PACSIN1: variants seen among roughly 807,000 people sequenced by gnomAD.
PACSIN1 encodes the protein protein kinase C and casein kinase substrate in neurons protein 1.
Under a neutral mutation model 59.5 loss-of-function variants are expected in PACSIN1, and 15 were observed. The ratio of observed to expected loss-of-function variants is 0.25; its 90% CI spans 0.17 to 0.39. The LOEUF (loss-of-function observed/expected upper bound fraction) is 0.39. PACSIN1 is among the 10% of genes least tolerant of loss of function. PACSIN1 has a pLI of 1.00. For synonymous variants in PACSIN1, 210 were observed against 220.6 expected, an observed-to-expected ratio of 0.95 and a Z score of 0.42; for missense variants, 420 against 580.2, an observed-to-expected ratio of 0.72 and a Z score of 2.84.
chr6:34,500,393 G>C (rs1767006257), intron 1 of PACSIN1, among the ~76,000 whole-genome samples: 1 of 152,174 alleles, frequency 6.6e-6, no homozygotes, highest in Non-Finnish European at 1.5e-5. Context: ...ATGTAAACTG[G>C]TACAGCCACT....
intron 1 of PACSIN1, among the ~76,000 whole-genome samples, chr6:34,473,864 A>G (rs1766604161): frequency 6.6e-6 from 1 of 152,210 alleles, no homozygotes; most frequent in African/African-American, 2.4e-5. Flanking sequence ...AAAGATAAGG[A>G]CTTTTTCTAA....
intron 1 of PACSIN1, among the ~76,000 whole-genome samples, chr6:34,524,789 T>C (rs76670704): frequency 0.012 from 1,813 of 152,306 alleles, 15 homozygotes; most frequent in Non-Finnish European, 0.017. Flanking sequence ...TCAATAACAA[T>C]TGTATGGTAT....
At chr6:34,510,685 C>A (rs189976555) in intron 1 of PACSIN1, among the ~76,000 whole-genome samples, 2 of 152,300 alleles carry the variant, frequency 1.3e-5, no homozygotes, top group Admixed American at 1.3e-4. Flanking sequence ...AATGTTCCTG[C>A]CTCATACTCT....
chr6:34,497,743 C>T lies in PACSIN1; in HGVS notation c.-63-28500C>T, dbSNP rs577676121. 9.2e-4 allele frequency among the ~76,000 whole-genome samples: 140 copies of T among 152,294 alleles called. 1 individual carries two copies. Among genetic ancestry groups the T allele is most frequent in the African/African-American group, 3.2e-3 (131 of 41,570 alleles). On this transcript the variant is annotated intron_variant, in intron 1 of 9. Transcript: ENST00000244458. ...TTCTTGTTCATCTTCTTGAATGCAC[C>T]TGTCAAAGCAATGGGCATGGCATGG...
intron 1 of PACSIN1, among the ~76,000 whole-genome samples, chr6:34,506,657 C>T (rs1371934173): frequency 6.6e-6 from 1 of 152,194 alleles, no homozygotes. Context: ...AGGTCCCCTA[C>T]TTGACCTTGG....
intron 1 of PACSIN1, among the ~76,000 whole-genome samples, chr6:34,517,308 A>G (rs2127267525): frequency 6.7e-6 from 1 of 148,732 alleles, no homozygotes; most frequent in Middle Eastern, 4.0e-3. Flanking sequence ...GACTGCAGCC[A>G]CCTCCTAGAG....
rs139900176 is a variant in PACSIN1 at position 34,474,778 on chromosome 6, G to T, written c.-64+8508G>T. Among the ~76,000 whole-genome samples the T allele has an allele frequency of 4.9e-3, 537 of 109,816 alleles. 3 individuals are homozygous for T. The highest frequency in any genetic ancestry group is 0.017 in the African/African-American group (490 of 28,638). The allele number at this position is 109,816 out of a possible 152,430, so 72.0% of individuals were successfully genotyped here. On this transcript the variant is annotated intron_variant, in intron 1 of 9. Transcript: ENST00000244458. ...GCATCCAGCCTGGGTGACAGAGCAAGACTCTGTCTCAGAAAAAAAAAAAAA... is the reference window on the plus strand; with the variant it reads ...GCATCCAGCCTGGGTGACAGAGCAATACTCTGTCTCAGAAAAAAAAAAAAA...
chr6:34,501,189 G>A (rs1767017633), intron 1 of PACSIN1, among the ~76,000 whole-genome samples: 1 of 152,198 alleles, frequency 6.6e-6, no homozygotes, highest in Admixed American at 6.5e-5. Context: ...TCCAGCCTGG[G>A]TGCCTCCACT....
chr6:34,511,759 G>A (rs963137260), intron 1 of PACSIN1, among the ~76,000 whole-genome samples: 3 of 152,244 alleles, frequency 2.0e-5, no homozygotes, highest in Non-Finnish European at 2.9e-5. Flanking sequence ...TTATGCAGAT[G>A]AGATGCAAAG....
intron 1 of PACSIN1, among the ~76,000 whole-genome samples, chr6:34,498,636 A>G (rs1766980915): frequency 6.6e-6 from 1 of 151,874 alleles, no homozygotes; most frequent in Non-Finnish European, 1.5e-5. Context: ...TGTCTTGACT[A>G]AATACACAAA....
At chr6:34,519,472 C>T (rs1767350538) in intron 1 of PACSIN1, among the ~76,000 whole-genome samples, 1 of 152,138 alleles carries the variant, frequency 6.6e-6, no homozygotes, top group South Asian at 2.1e-4. Flanking sequence ...GGCCTGAGAT[C>T]TTCCTTTCAT....
chr6:34,484,646 C>T (rs1249421841), intron 1 of PACSIN1, among the ~76,000 whole-genome samples: 1 of 151,936 alleles, frequency 6.6e-6, no homozygotes, highest in Non-Finnish European at 1.5e-5. Context: ...TCAGTGCTAA[C>T]AAATGTACCA....
chr6:34,491,782 T>G (rs184085241), intron 1 of PACSIN1, among the ~76,000 whole-genome samples: 1 of 152,126 alleles, frequency 6.6e-6, no homozygotes, highest in East Asian at 1.9e-4. Flanking sequence ...CAGCTAATTT[T>G]TGTATATTTA....
intron 1 of PACSIN1, among the ~76,000 whole-genome samples, chr6:34,478,100 C>A (rs1186045776): frequency 2.0e-5 from 3 of 147,712 alleles, no homozygotes; most frequent in Non-Finnish European, 4.5e-5. Context: ...CGCTCTGACG[C>A]CCAGGCTGGA....
chr6:34,531,588 T>C lies in PACSIN1; in HGVS notation c.1038-12T>C, dbSNP rs752346589. 2.5e-6 allele frequency: 4 copies of C among 1,612,972 alleles called. No homozygotes were observed. The highest frequency in any genetic ancestry group is 2.5e-6 in the Non-Finnish European group (3 of 1,179,596). On this transcript the variant is annotated splice_polypyrimidine_tract_variant and intron_variant, in intron 8 of 9. Transcript: ENST00000244458. This position sits in a 1 kb window ranked among gnomAD's most constrained non-coding sequence, Gnocchi z 4.4. ...GGAGACATTGAAGCTGGCTCCTTCC[T>C]CCGCGTCTCAGTGTTAGCAGCTACG...
Position 34,528,883 on chromosome 6 carries a change from CAGT to C in PACSIN1, c.456+7_456+9del. 9.1e-7 allele frequency: 1 copy of C among 1,094,056 alleles called. No homozygotes were observed. The highest frequency in any genetic ancestry group is 1.3e-6 in the Non-Finnish European group (1 of 779,120). 67.8% of individuals were successfully genotyped at this position (1,094,056 alleles called of 1,614,324 possible). ...GGGCCAAGAAGATGAAGGAGGTGCT[CAGT>C]GGGTGCTGCCACGGGCGGGGTGGGG... On this transcript the variant is annotated splice_region_variant and intron_variant, in intron 4 of 9. Transcript: ENST00000244458.
intron 1 of PACSIN1, among the ~76,000 whole-genome samples, chr6:34,502,561 G>GCTCACGCCATTCTCCTGCC (rs1767040382): frequency 6.7e-6 from 1 of 148,884 alleles, no homozygotes; most frequent in Admixed American, 6.9e-5. Context: ...CGCCTCCTGG[G>GCTCACGCCATTCTCCTGCC]CTCACGCCAT....
intron 1 of PACSIN1, among the ~76,000 whole-genome samples, chr6:34,502,641 A>AT (rs966729766): frequency 6.6e-6 from 1 of 151,032 alleles, no homozygotes; most frequent in Non-Finnish European, 1.5e-5. Flanking sequence ...AATTTTTTGC[A>AT]TTTTTTAGTA....
At chr6:34,467,179 T>C (rs1766508190) in intron 1 of PACSIN1, among the ~76,000 whole-genome samples, 1 of 152,206 alleles carries the variant, frequency 6.6e-6, no homozygotes. Flanking sequence ...ATCCTGGCCT[T>C]TCTATCACAA....
Sources: gnomAD v4.1 joint callset for allele counts (sites outside exome capture counted in the v4.1 genomes callset) on GRCh38, gnomAD v4.1.1 for gene constraint, Gnocchi (gnomAD v3.1) non-coding constraint, MANE v1.5 for transcripts, NCBI Gene and HGNC (gene_info 2026-07-23, HGNC 2026-07-21) for gene names.